The following CYTH3 variants were observed in gnomAD, a reference collection of about 807,000 sequenced individuals.
The protein encoded by CYTH3 is cytohesin 3.
CYTH3 carries 23 observed loss-of-function variants against 55.1 expected under a neutral mutation model. The ratio of observed to expected loss-of-function variants is 0.42; its 90% CI spans 0.30 to 0.59. The LOEUF is 0.59. CYTH3 is among the 20% of genes least tolerant of loss of function. The probability of loss-of-function intolerance (pLI) is 0.20; values close to 1 mark genes in which losing one functional copy is unlikely to be tolerated. For missense variants in CYTH3, 413 were observed against 524.8 expected, an observed-to-expected ratio of 0.79 and a Z score of 2.08; for synonymous variants, 249 against 194.9, an observed-to-expected ratio of 1.28 and a Z score of -2.31.
intron 1 of CYTH3, among the ~76,000 whole-genome samples, chr7:6,251,174 T>A (rs1382679361): frequency 6.6e-6 from 1 of 151,992 alleles, no homozygotes; most frequent in Non-Finnish European, 1.5e-5. Context: ...ACTTCAGAAG[T>A]TGAAGCAGGA....
chr7:6,207,591 G>A (rs1784224543), intron 1 of CYTH3, among the ~76,000 whole-genome samples: 1 of 151,898 alleles, frequency 6.6e-6, no homozygotes, highest in African/African-American at 2.4e-5. Context: ...ATAGGCCACA[G>A]TGAGCTATGA....
intron 1 of CYTH3, among the ~76,000 whole-genome samples, chr7:6,196,779 G>A (rs1247877464): frequency 6.6e-6 from 1 of 152,006 alleles, no homozygotes. Flanking sequence ...TTTCAATATG[G>A]CAAAAAGTAT....
At chr7:6,185,674 T>A (rs532461612) in intron 4 of CYTH3, among the ~76,000 whole-genome samples, 1 of 148,032 alleles carries the variant, frequency 6.8e-6, no homozygotes, top group Non-Finnish European at 1.5e-5. Flanking sequence ...CACTCCAGCC[T>A]GGGCAACAGA....
chr7:6,242,451 A>G (rs572886368), intron 1 of CYTH3, among the ~76,000 whole-genome samples: 16 of 144,852 alleles, frequency 1.1e-4, no homozygotes, highest in African/African-American at 3.9e-4. Context: ...ATCTTGGCTC[A>G]CTGCAACCTC....
chr7:6,173,487 G>A (rs1431215680), intron 6 of CYTH3, among the ~76,000 whole-genome samples, 166 bp downstream of exon 6: 1 of 152,220 alleles, frequency 6.6e-6, no homozygotes, highest in Non-Finnish European at 1.5e-5. Context: ...GTCTAGGGCT[G>A]CTCAGTGTCA....
chr7:6,166,814 G>A (rs1783023752), intron 9 of CYTH3, among the ~76,000 whole-genome samples: 1 of 152,120 alleles, frequency 6.6e-6, no homozygotes. Context: ...TGATGCCTAA[G>A]GCAGCCTGCA....
At chr7:6,239,599 CTGTG>C (rs921856647) in intron 1 of CYTH3, among the ~76,000 whole-genome samples, 86 of 152,214 alleles carry the variant, frequency 5.6e-4, no homozygotes, top group African/African-American at 2.0e-3. Context: ...AAAGAAATGA[CTGTG>C]TAAGTGGAAA....
chr7:6,231,261 C>A (rs143804948), intron 1 of CYTH3, among the ~76,000 whole-genome samples: 122 of 152,334 alleles, frequency 8.0e-4, no homozygotes, highest in African/African-American at 2.7e-3. Flanking sequence ...CACTGATAAA[C>A]TCTACGAGAG....
chr7:6,179,901 C>T (rs1783461647), intron 4 of CYTH3, among the ~76,000 whole-genome samples: 1 of 148,312 alleles, frequency 6.7e-6, no homozygotes, highest in Non-Finnish European at 1.5e-5. Context: ...CACACCCACA[C>T]ACAACCACAC....
intron 2 of CYTH3, among the ~76,000 whole-genome samples, chr7:6,188,014 G>A (rs1349301485): frequency 6.6e-6 from 1 of 152,048 alleles, no homozygotes; most frequent in Non-Finnish European, 1.5e-5. Context: ...CACTGGGGGG[G>A]GAATATCACA....
At chr7:6,176,640 G>C (rs1783358907) in intron 5 of CYTH3, among the ~76,000 whole-genome samples, 2 of 152,026 alleles carry the variant, frequency 1.3e-5, no homozygotes, top group East Asian at 3.9e-4. Flanking sequence ...TGATTCCTTA[G>C]GATATTCTAT....
intron 1 of CYTH3, among the ~76,000 whole-genome samples, chr7:6,218,128 C>T (rs1009427592): frequency 3.3e-5 from 5 of 151,054 alleles, no homozygotes; most frequent in South Asian, 4.2e-4. Context: ...TGCAGTGAGC[C>T]GAGATCACAC....
At position 6,229,725 on chromosome 7, in the gene CYTH3, G is replaced by C. The variant is rs866024481; in HGVS notation, c.35-39194C>G. Among the ~76,000 whole-genome samples, 7 of 151,130 alleles carry C rather than the reference G, an allele frequency of 4.6e-5. No individual in the cohort carries two copies. In the South Asian group the frequency reaches 1.3e-3, roughly 27 times the overall value. ...CCAGCTACAGAGGAAGCTGAGGCAA[G>C]AGAGACACTTGAACCCGGGAGGCGG... is the stretch of plus-strand genomic sequence containing the variant. On this transcript the variant is annotated intron_variant, in intron 1 of 12. Coordinates refer to ENST00000350796, the MANE Select transcript of CYTH3 (RefSeq NM_004227.4).
chr7:6,261,413 T>C (rs1213797142), intron 1 of CYTH3, among the ~76,000 whole-genome samples: 1 of 152,182 alleles, frequency 6.6e-6, no homozygotes, highest in Non-Finnish European at 1.5e-5. Flanking sequence ...CCATGCCTCA[T>C]AATTTTAAAG....
chr7:6,265,880 G>T (rs1437487282), intron 1 of CYTH3, among the ~76,000 whole-genome samples: 1 of 152,122 alleles, frequency 6.6e-6, no homozygotes, highest in African/African-American at 2.4e-5. Context: ...CTGAGCAACT[G>T]GAAGAACACC....
intron 1 of CYTH3, among the ~76,000 whole-genome samples, chr7:6,208,947 A>G (rs968332061): frequency 5.3e-5 from 8 of 152,258 alleles, no homozygotes; most frequent in Admixed American, 1.3e-4. Flanking sequence ...CTACCAAATC[A>G]GAACCTCTGG....
intron 4 of CYTH3, among the ~76,000 whole-genome samples, chr7:6,183,931 G>T (rs1275240033): frequency 2.0e-5 from 3 of 151,044 alleles, no homozygotes; most frequent in African/African-American, 4.9e-5. Flanking sequence ...GCGGCTACTA[G>T]CAAGCCAGGA....
chr7:6,171,524 A>G lies in CYTH3; in HGVS notation c.450-210T>C, dbSNP rs1783194120. Among the ~76,000 whole-genome samples, 2 of 152,172 alleles carry G rather than the reference A, an allele frequency of 1.3e-5. No individual in the cohort carries two copies. Among genetic ancestry groups the G allele is most frequent in the African/African-American group, 2.4e-5 (1 of 41,432 alleles). On this transcript the variant is annotated intron_variant, in intron 6 of 12. Coordinates refer to ENST00000350796, the MANE Select transcript of CYTH3 (RefSeq NM_004227.4). The surrounding 1 kb of genome is among the most constrained non-coding windows in gnomAD (Gnocchi z 6.7). ...CTCGAGACACGCTTACTGATGGCTC[A>G]TCTTTTTGTAACTACAACCAATTCA...
intron 1 of CYTH3, among the ~76,000 whole-genome samples, chr7:6,191,070 C>T (rs1783791485): frequency 6.6e-6 from 1 of 150,896 alleles, no homozygotes; most frequent in South Asian, 2.1e-4. Context: ...GAGGGAGATT[C>T]TGTTTCGGGA....
Sources: allele counts gnomAD v4.1 joint callset (sites outside exome capture counted in the v4.1 genomes callset), GRCh38; gene constraint gnomAD v4.1.1; non-coding constraint Gnocchi (gnomAD v3.1); transcripts MANE v1.5; gene names NCBI Gene and HGNC (gene_info 2026-07-23, HGNC 2026-07-21).